Variants in PTPRD observed in about 807,000 individuals in gnomAD.
PTPRD encodes the protein protein tyrosine phosphatase receptor type D.
Under a neutral mutation model 214.5 loss-of-function variants are expected in PTPRD, and 34 were observed. The ratio of observed to expected loss-of-function variants is 0.16; its 90% CI spans 0.12 to 0.21. The LOEUF is 0.21. Ranked by LOEUF, PTPRD falls within the 10% of genes least tolerant of loss-of-function variation. PTPRD has a pLI of 1.00. For missense variants in PTPRD, 2,545 were observed against 2,398.7 expected, an observed-to-expected ratio of 1.06 and a Z score of -1.27; for synonymous variants, 1,128 against 845.7, an observed-to-expected ratio of 1.33 and a Z score of -5.79.
intron 8 of PTPRD, among the ~76,000 whole-genome samples, chr9:9,451,424 C>A (rs1461158829): frequency 6.6e-6 from 1 of 151,696 alleles, no homozygotes; most frequent in East Asian, 1.9e-4. Flanking sequence ...CAGTTTGTTT[C>A]CATTTTTGTG....
At chr9:10,546,458 T>A (rs116406172) in intron 2 of PTPRD, among the ~76,000 whole-genome samples, 1 of 151,052 alleles carries the variant, frequency 6.6e-6, no homozygotes, top group African/African-American at 2.4e-5. Context: ...TGCAGCAAAG[T>A]CACAGAGAAA....
intron 5 of PTPRD, among the ~76,000 whole-genome samples, chr9:9,826,748 C>G (rs547150366): frequency 7.2e-5 from 11 of 152,048 alleles, no homozygotes; most frequent in Admixed American, 3.3e-4. Context: ...GATTATGTAT[C>G]TAGAAAACCC....
intron 11 of PTPRD, among the ~76,000 whole-genome samples, chr9:8,847,297 T>C (rs1045841795): frequency 6.8e-6 from 1 of 147,088 alleles, no homozygotes; most frequent in African/African-American, 2.6e-5. Flanking sequence ...ACAGTATTTA[T>C]TAAACTTATC....
chr9:10,046,079 T>C (rs2097387960), intron 3 of PTPRD, among the ~76,000 whole-genome samples: 6 of 151,804 alleles, frequency 4.0e-5, no homozygotes, highest in Admixed American at 3.9e-4. Flanking sequence ...TAATTTGATA[T>C]ACAGAAATAT....
chr9:10,481,384 C>T (rs1019256717), intron 2 of PTPRD, among the ~76,000 whole-genome samples: 16 of 152,120 alleles, frequency 1.1e-4, no homozygotes, highest in Admixed American at 5.9e-4. Context: ...TACAGCTAAT[C>T]TGATATTCAT....
intron 14 of PTPRD, among the ~76,000 whole-genome samples, chr9:8,555,662 T>C (rs2083504446): frequency 6.6e-6 from 1 of 152,228 alleles, no homozygotes. Flanking sequence ...GATCTGGTTT[T>C]TATTTTAGAC....
At chr9:9,960,400 A>T (rs933234917) in intron 4 of PTPRD, among the ~76,000 whole-genome samples, 1 of 152,112 alleles carries the variant, frequency 6.6e-6, no homozygotes, top group Non-Finnish European at 1.5e-5. Context: ...GTGGAGCGTA[A>T]CTTTCCACTC....
At chr9:9,408,132 C>T (rs1187950188) in intron 8 of PTPRD, among the ~76,000 whole-genome samples, 1 of 151,758 alleles carries the variant, frequency 6.6e-6, no homozygotes, top group Non-Finnish European at 1.5e-5. Flanking sequence ...AGGAAATTTA[C>T]TTTATCAGTA....
intron 2 of PTPRD, among the ~76,000 whole-genome samples, chr9:10,537,855 GC>G (rs1018987856): frequency 6.6e-6 from 1 of 152,090 alleles, no homozygotes; most frequent in Non-Finnish European, 1.5e-5. Context: ...AAAGATGGTT[GC>G]CAGATCAGCA....
intron 3 of PTPRD, among the ~76,000 whole-genome samples, chr9:10,124,237 TACTC>T (rs1273236885): frequency 6.6e-6 from 1 of 152,188 alleles, no homozygotes; most frequent in Non-Finnish European, 1.5e-5. Flanking sequence ...TAGAAGAAGT[TACTC>T]ATTTCATGCA....
chr9:9,370,267 T>A (rs1480250116), intron 9 of PTPRD, among the ~76,000 whole-genome samples: 2 of 152,126 alleles, frequency 1.3e-5, no homozygotes, highest in Admixed American at 6.6e-5. Flanking sequence ...TCCATTTGTT[T>A]GTGTCCTCTT....
chr9:9,183,588 A>G (rs544652052), intron 9 of PTPRD, among the ~76,000 whole-genome samples: 1 of 152,040 alleles, frequency 6.6e-6, no homozygotes, highest in Non-Finnish European at 1.5e-5. Flanking sequence ...TTCACAGGCT[A>G]TAAAGCAGAA....
chr9:9,685,870 T>A (rs1007109496), intron 7 of PTPRD, among the ~76,000 whole-genome samples: 3 of 151,452 alleles, frequency 2.0e-5, no homozygotes, highest in African/African-American at 4.8e-5. Context: ...TTTGATTCAT[T>A]CTTCTTTCTC....
chr9:8,450,151 T>C (rs1344843468), intron 33 of PTPRD, among the ~76,000 whole-genome samples: 1 of 152,198 alleles, frequency 6.6e-6, no homozygotes, highest in African/African-American at 2.4e-5. Context: ...TGAGCAATTC[T>C]CTCTTATCTA....
chr9:10,406,307 C>A (rs868132268), intron 2 of PTPRD, among the ~76,000 whole-genome samples: 1 of 151,302 alleles, frequency 6.6e-6, no homozygotes, highest in African/African-American at 2.4e-5. Flanking sequence ...TACCATATAA[C>A]CAGATTTAAT....
chr9:10,483,616 T>G (rs938280158), intron 2 of PTPRD, among the ~76,000 whole-genome samples: 2 of 151,766 alleles, frequency 1.3e-5, no homozygotes, highest in Non-Finnish European at 2.9e-5. Flanking sequence ...GCAAAGAACA[T>G]GAATAGACAT....
chr9:8,914,362 T>C (rs2098769933), intron 11 of PTPRD, among the ~76,000 whole-genome samples: 1 of 152,164 alleles, frequency 6.6e-6, no homozygotes, highest in Non-Finnish European at 1.5e-5. Flanking sequence ...TTGCCATTTG[T>C]TCTGTTTTGC....
At chr9:8,376,404 T>G (rs543708663) in intron 38 of PTPRD, among the ~76,000 whole-genome samples, 122 of 152,148 alleles carry the variant, frequency 8.0e-4, no homozygotes, top group African/African-American at 2.8e-3. Context: ...AAACTTTCAT[T>G]TGGAGCAAGA....
intron 5 of PTPRD, among the ~76,000 whole-genome samples, chr9:9,861,522 C>G (rs1436100299): frequency 6.6e-6 from 1 of 152,180 alleles, no homozygotes; most frequent in Non-Finnish European, 1.5e-5. Flanking sequence ...AATCTCATGA[C>G]CTCGTGATCC....
Sources: gnomAD v4.1 joint callset for allele counts (sites outside exome capture counted in the v4.1 genomes callset) on GRCh38, gnomAD v4.1.1 for gene constraint, MANE v1.5 for transcripts, NCBI Gene and HGNC (gene_info 2026-07-23, HGNC 2026-07-21) for gene names.